The following SNX29 variants were observed in gnomAD, a reference collection of about 807,000 sequenced individuals.
The protein encoded by SNX29 is sorting nexin 29.
A neutral mutation model predicts 102.1 loss-of-function variants in SNX29; 78 were observed. The observed-to-expected ratio is 0.76, with a 90% CI of 0.64 to 0.92. The LOEUF is 0.92. Among genes scored for constraint, SNX29 ranks in the 40% least tolerant of loss-of-function variants. The pLI is 0.00. For synonymous variants in SNX29, 580 were observed against 414.5 expected, an observed-to-expected ratio of 1.40 and a Z score of -4.85; for missense variants, 1,280 against 1,061.7, an observed-to-expected ratio of 1.21 and a Z score of -2.86.
rs900321462 is a variant in SNX29, at chr16:12,130,679, T to C, written c.1595+921T>C. 7.1e-4 allele frequency among the ~76,000 whole-genome samples: 108 copies of C among 152,148 alleles called. 1 individual carries two copies. Among genetic ancestry groups the C allele is most frequent in the African/African-American group, 2.5e-3 (104 of 41,512 alleles). On this transcript the variant is annotated intron_variant, in intron 13 of 20. Transcript: ENST00000566228. ...TGTTACTGTTCCCAGAGATATTCCCTGTACACACAAGCAGATAGGTGTGCA... is the reference window on the plus strand; with the variant it reads ...TGTTACTGTTCCCAGAGATATTCCCCGTACACACAAGCAGATAGGTGTGCA...
At chr16:12,537,314 C>G (rs1325500543) in intron 20 of SNX29, among the ~76,000 whole-genome samples, 1 of 152,202 alleles carries the variant, frequency 6.6e-6, no homozygotes, top group Admixed American at 6.5e-5. Flanking sequence ...AGTATAGTGG[C>G]TAAGCCAAAG....
intron 14 of SNX29, among the ~76,000 whole-genome samples, chr16:12,212,682 T>G (rs966653457): frequency 5.3e-5 from 8 of 152,244 alleles, no homozygotes; most frequent in African/African-American, 1.9e-4. Flanking sequence ...TTTAATGAGA[T>G]TATTCATTTT....
At chr16:12,194,539 T>G (rs886921508) in intron 13 of SNX29, among the ~76,000 whole-genome samples, 7 of 152,152 alleles carry the variant, frequency 4.6e-5, no homozygotes, top group African/African-American at 1.4e-4. Flanking sequence ...GAAGAATTGC[T>G]TGACTCATTT....
At chr16:12,104,483 G>A (rs556519145) in intron 11 of SNX29, among the ~76,000 whole-genome samples, 1 of 152,024 alleles carries the variant, frequency 6.6e-6, no homozygotes, top group Admixed American at 6.6e-5. Flanking sequence ...TTGAACCCGG[G>A]AGGCAGAGGT....
At chr16:12,447,675 C>A (rs1268763245) in intron 18 of SNX29, among the ~76,000 whole-genome samples, 1 of 152,186 alleles carries the variant, frequency 6.6e-6, no homozygotes, top group South Asian at 2.1e-4. Flanking sequence ...TTTGAAAATT[C>A]CCTGGCTGGA....
intron 14 of SNX29, among the ~76,000 whole-genome samples, chr16:12,234,299 G>T (rs2077859038): frequency 6.6e-6 from 1 of 152,154 alleles, no homozygotes; most frequent in African/African-American, 2.4e-5. Flanking sequence ...GCATTTCCCT[G>T]ATGGTTGATG....
intron 13 of SNX29, among the ~76,000 whole-genome samples, chr16:12,131,127 G>T (rs1216141534): frequency 6.6e-6 from 1 of 152,222 alleles, no homozygotes; most frequent in African/African-American, 2.4e-5. Flanking sequence ...GTGGGAGAGG[G>T]CCTGCTGCGA....
At chr16:12,567,294 C>T (rs576627029) in intron 20 of SNX29, among the ~76,000 whole-genome samples, 1 of 150,808 alleles carries the variant, frequency 6.6e-6, no homozygotes, top group Non-Finnish European at 1.5e-5. Context: ...TTACATCCAG[C>T]AAGCCACAGC....
At chr16:12,562,522 G>C (rs374996362) in intron 20 of SNX29, among the ~76,000 whole-genome samples, 1 of 152,156 alleles carries the variant, frequency 6.6e-6, no homozygotes. Flanking sequence ...TACACCTGCT[G>C]GTGAATGACA....
chr16:12,024,008 TA>T (rs2057112945), intron 3 of SNX29, among the ~76,000 whole-genome samples: 1 of 152,150 alleles, frequency 6.6e-6, no homozygotes, highest in African/African-American at 2.4e-5. Flanking sequence ...AGCTCACAGT[TA>T]GCAAGAGCAG....
At chr16:12,226,678 A>G (rs1036139312) in intron 14 of SNX29, among the ~76,000 whole-genome samples, 5 of 151,554 alleles carry the variant, frequency 3.3e-5, no homozygotes, top group African/African-American at 7.3e-5. Flanking sequence ...GGTTCAAGCA[A>G]TTCTCCTGCC....
chr16:12,249,740 A>ATG (rs1384044600), intron 14 of SNX29, among the ~76,000 whole-genome samples: 1 of 152,236 alleles, frequency 6.6e-6, no homozygotes, highest in East Asian at 1.9e-4. Flanking sequence ...TGAATAATAC[A>ATG]TGTAAAAGTT....
At chr16:12,428,353 A>G (rs2085167252) in intron 18 of SNX29, among the ~76,000 whole-genome samples, 4 of 152,258 alleles carry the variant, frequency 2.6e-5, no homozygotes, top group Admixed American at 2.6e-4. Context: ...CATTCCAAAG[A>G]TTAAAATAAG....
chr16:12,399,133 C>T (rs532588264), intron 17 of SNX29, among the ~76,000 whole-genome samples: 3 of 152,328 alleles, frequency 2.0e-5, no homozygotes, highest in South Asian at 2.1e-4. Flanking sequence ...TCATTGCACC[C>T]TCCGCCTACC....
chr16:12,552,908 G>A (rs2078075442), intron 20 of SNX29, among the ~76,000 whole-genome samples: 1 of 152,242 alleles, frequency 6.6e-6, no homozygotes, highest in Non-Finnish European at 1.5e-5. Context: ...ATAGGCAAGG[G>A]CAGCAGAGCT....
intron 14 of SNX29, among the ~76,000 whole-genome samples, chr16:12,255,242 C>G (rs959372084): frequency 2.0e-5 from 3 of 152,140 alleles, no homozygotes; most frequent in African/African-American, 7.2e-5. Context: ...GACGCCCAGG[C>G]TGGAGCGCAA....
chr16:12,275,763 A>G lies in SNX29; in HGVS notation c.1679-2170A>G, dbSNP rs552664974. Among the ~76,000 whole-genome samples the G allele has an allele frequency of 7.3e-5, 11 of 151,658 alleles. No homozygotes were observed. In the South Asian group the frequency reaches 1.7e-3, roughly 23 times the overall value. ...CTTTTATTGTTATTTTTGACACATAATAAATTGTGCATATGTATGAGGTAG... is the reference window on the plus strand; with the variant it reads ...CTTTTATTGTTATTTTTGACACATAGTAAATTGTGCATATGTATGAGGTAG... On this transcript the variant is annotated intron_variant, in intron 14 of 20. Transcript: ENST00000566228.
chr16:12,367,737 A>G lies in SNX29; in HGVS notation c.1899+11458A>G, dbSNP rs181268430. Among the ~76,000 whole-genome samples the G allele has an allele frequency of 1.9e-4, 29 of 152,372 alleles. 2 individuals carry two copies. In the East Asian group the frequency reaches 5.4e-3, roughly 28 times the overall value. ...CCAAACTGTCTCCTGTCCCACGGCA[A>G]TGTTAAACTTCGTGTTCCAAATTAT... On this transcript the variant is annotated intron_variant, in intron 16 of 20. Transcript: ENST00000566228.
intron 20 of SNX29, among the ~76,000 whole-genome samples, chr16:12,553,270 A>G (rs940370100): frequency 1.3e-5 from 2 of 152,224 alleles, no homozygotes; most frequent in South Asian, 4.1e-4. Flanking sequence ...ACTGCCGCCT[A>G]GGGGCACAGA....
Sources: allele counts gnomAD v4.1 joint callset (sites outside exome capture counted in the v4.1 genomes callset), GRCh38; gene constraint gnomAD v4.1.1; transcripts MANE v1.5; gene names NCBI Gene and HGNC (gene_info 2026-07-23, HGNC 2026-07-21).